Variants in UGT2B10 observed in about 807,000 individuals in gnomAD.
UGT2B10 encodes the protein UDP glucuronosyltransferase family 2 member B10.
Under a neutral mutation model 43.7 loss-of-function variants are expected in UGT2B10, and 51 were observed. The ratio of observed to expected loss-of-function variants is 1.17; its 90% CI spans 0.93 to 1.47. The LOEUF (loss-of-function observed/expected upper bound fraction) is 1.47. UGT2B10 is among the 40% of genes most tolerant of loss of function. The pLI is 0.00. For missense variants in UGT2B10, 696 were observed against 617.7 expected (o/e 1.13, Z -1.34); for synonymous variants, 225 against 209.0 (o/e 1.08, Z -0.66).
intron 4 of UGT2B10, 135 bp downstream of exon 4, chr4:68,826,632 C>A: frequency 9.1e-7 from 1 of 1,097,782 alleles, no homozygotes; most frequent in South Asian, 1.8e-5. Flanking sequence ...ATTTTCCAGT[C>A]CTAGGGGAAA....
chr4:68,816,337 AC>A lies in UGT2B10; in HGVS notation c.320del (p.Pro107LeufsTer15). ...AAATTCAAAAAGATACATTTTGGTT[AC>A]CTTTTTCACAAGAACAAGAAATCCT... is the stretch of plus-strand genomic sequence containing the variant. ...SEIQKDTFWL[P>X]FSQEQEILWA... On this transcript the variant is annotated frameshift_variant, in exon 1 of 6. Coordinates refer to ENST00000265403, the MANE Select transcript of UGT2B10 (RefSeq NM_001075.6). LOFTEE classifies it high-confidence loss of function. 6.2e-7 allele frequency: 1 copy of A among 1,613,138 alleles called. No homozygotes were observed. The highest frequency in any genetic ancestry group is 8.5e-7 in the Non-Finnish European group (1 of 1,179,394).
intron 4 of UGT2B10, among the ~76,000 whole-genome samples, chr4:68,826,986 C>T (rs1737812600): frequency 6.6e-6 from 1 of 152,074 alleles, no homozygotes; most frequent in Non-Finnish European, 1.5e-5. Flanking sequence ...TGCTGCCTTG[C>T]ACACCCCACA....
In UGT2B10 at chr4:68,816,119, C is replaced by T. The variant is rs756213799; in HGVS notation, c.100C>T (p.Leu34Phe). 5 of 1,613,250 alleles carry T rather than the reference C, an allele frequency of 3.1e-6. No homozygotes were observed. The highest frequency in any genetic ancestry group is 4.2e-6 in the Non-Finnish European group (5 of 1,179,446). ...GCTGGTATGGGCCGCAGAATACAGC[C>T]TTTGGATGAATATGAAGACAATCCT... ...KVLVWAAEYS[L>F]WMNMKTILKE... is the part of the protein sequence containing the mutation. Residue 34 changes from leucine to phenylalanine, a missense_variant, in exon 1 of 6, where the codon CTT (leucine) becomes TTT (phenylalanine). Physicochemically the swap from Leu to Phe is conservative, Grantham distance 22. Coordinates refer to ENST00000265403, the MANE Select transcript of UGT2B10 (RefSeq NM_001075.6).
At position 68,831,978 on chromosome 4, in the gene UGT2B10, T is replaced by C. The variant is rs190571045; in HGVS notation, c.*1099T>C. ...ATGATGACTTAGGATTCTGGATCTC[T>C]TATGAATAACAAATTTATCCTTAAT... is the stretch of plus-strand genomic sequence containing the variant. On this transcript the variant is annotated 3_prime_UTR_variant, in exon 6 of 6. Transcript: ENST00000265403. Among the ~76,000 whole-genome samples the C allele has an allele frequency of 2.5e-4, 38 of 152,194 alleles. No homozygotes were observed. The highest frequency in any genetic ancestry group is 8.4e-4 in the African/African-American group (35 of 41,546).
chr4:68,831,541 ATGT>A lies in UGT2B10; in HGVS notation c.*667_*669del, dbSNP rs1456160177. Among the ~76,000 whole-genome samples, 10 of 152,232 alleles carry A rather than the reference ATGT, an allele frequency of 6.6e-5. No homozygotes were observed. The East Asian group carries it at 1.7e-3, about 27-fold the overall frequency. ...GAAATGTGCTCCCTAATTATATGAA[ATGT>A]TGTTTGATTACATAAAATAAAGTGG... On this transcript the variant is annotated 3_prime_UTR_variant, in exon 6 of 6. Transcript: ENST00000265403.
chr4:68,816,453 A>T lies in UGT2B10; in HGVS notation c.434A>T (p.Asp145Val), dbSNP rs201775548. The T allele has an allele frequency of 2.0e-4, 328 of 1,613,110 alleles. 1 individual carries two copies. Among genetic ancestry groups the T allele is most frequent in the Non-Finnish European group, 1.8e-5 (21 of 1,179,486 alleles). Residue 145 changes from aspartate to valine, a missense_variant, in exon 1 of 6, where the codon GAC becomes GTC. Coordinates refer to ENST00000265403, the MANE Select transcript of UGT2B10 (RefSeq NM_001075.6). ...AAAAAACTACAAGAGTCAAGATTTG[A>T]CATCGTTTTTGCAGATGCTTATTTA... The part of the protein sequence containing the change: ...LMKKLQESRF[D>V]IVFADAYLPC...
At chr4:68,822,128 G>A (rs1394885765) in intron 2 of UGT2B10, 143 bp from the exon 3 acceptor site, 16 of 1,253,036 alleles carry the variant, frequency 1.3e-5, no homozygotes, top group Non-Finnish European at 1.8e-5. Flanking sequence ...AACAGTGATT[G>A]AGTCAGTTAA....
At chr4:68,830,061 G>A (rs925631004) in intron 5 of UGT2B10, among the ~76,000 whole-genome samples, 2 of 151,982 alleles carry the variant, frequency 1.3e-5, no homozygotes, top group South Asian at 4.1e-4. Flanking sequence ...TAGGAACTTA[G>A]AGATGTTAAT....
chr4:68,816,831 T>A (rs1737238634), intron 1 of UGT2B10, 94 bp downstream of exon 1: 1 of 1,055,268 alleles, frequency 9.5e-7, no homozygotes, highest in African/African-American at 1.6e-5. Flanking sequence ...GGAAGTGGAG[T>A]TTTTGGTAAA....
chr4:68,822,307 G>T lies in UGT2B10; in HGVS notation c.904G>T (p.Gly302Cys). The change falls in exon 3 of 6, where the codon GGT becomes TGT. Residue 302 changes from glycine to cysteine, a missense_variant. Physicochemically the swap from Gly to Cys is radical, Grantham distance 159 (BLOSUM62 -3). Transcript: ENST00000265403. ...GTTTGTACAGAGCTCTGGAGAAAAT[G>T]GTGTTGTGGTGTTTTCTCTGGGGTC... is the stretch of plus-strand genomic sequence containing the variant. The part of the protein sequence containing the change: ...EEFVQSSGEN[G>C]VVVFSLGSMV... 6.2e-7 allele frequency: 1 copy of T among 1,613,208 alleles called. No homozygotes were observed. The highest frequency in any genetic ancestry group is 1.8e-4 in the Middle Eastern group (1 of 5,708).
In UGT2B10 at chr4:68,818,186, A is replaced by G. The variant is rs576580404; in HGVS notation, c.867+9A>G. On this transcript the variant is annotated intron_variant, in intron 2 of 5. Coordinates refer to ENST00000265403, the MANE Select transcript of UGT2B10 (RefSeq NM_001075.6). ...CCAAACCCCTACCTAAGGTAAACATACTTTCGTTGGTTTTATTTTGTTGGC... is the reference window on the plus strand; with the variant it reads ...CCAAACCCCTACCTAAGGTAAACATGCTTTCGTTGGTTTTATTTTGTTGGC... The G allele has an allele frequency of 8.7e-6, 14 of 1,606,626 alleles. No homozygotes were observed. The East Asian group carries it at 3.1e-4, about 36-fold the overall frequency.
At chr4:68,827,608 T>C (rs558428671) in intron 5 of UGT2B10, 60 bp downstream of exon 5, 1 of 1,597,430 alleles carries the variant, frequency 6.3e-7, no homozygotes, top group Admixed American at 1.7e-5. Flanking sequence ...TTGTCAGTAG[T>C]GAGCATGAGT....
At chr4:68,824,998 A>T (rs1467370639) in intron 3 of UGT2B10, among the ~76,000 whole-genome samples, 1 of 152,112 alleles carries the variant, frequency 6.6e-6, no homozygotes, top group Admixed American at 6.6e-5. Flanking sequence ...ATAATTTGTA[A>T]TTCCAATGAA....
At chr4:68,819,388 G>C (rs185156468) in intron 2 of UGT2B10, among the ~76,000 whole-genome samples, 201 of 152,002 alleles carry the variant, frequency 1.3e-3, no homozygotes, top group African/African-American at 4.5e-3. Context: ...AGTTGTGACA[G>C]CAAGATAAGC....
intron 3 of UGT2B10, among the ~76,000 whole-genome samples, 194 bp from the exon 4 acceptor site, chr4:68,826,216 A>G (rs1737765801): frequency 6.6e-6 from 1 of 152,158 alleles, no homozygotes; most frequent in South Asian, 2.1e-4. Flanking sequence ...TACTTTGGAA[A>G]ATAATGGTTT....
intron 2 of UGT2B10, among the ~76,000 whole-genome samples, chr4:68,819,422 C>T (rs1464347080): frequency 6.6e-6 from 1 of 151,868 alleles, no homozygotes; most frequent in East Asian, 1.9e-4. Context: ...AAAATTCTTC[C>T]ATAAGTAATA....
intron 2 of UGT2B10, among the ~76,000 whole-genome samples, chr4:68,821,700 T>C (rs1380458586): frequency 2.6e-5 from 4 of 152,104 alleles, no homozygotes; most frequent in Non-Finnish European, 4.4e-5. Flanking sequence ...TGGAAAACTC[T>C]GACAAATTTT....
At position 68,816,323 on chromosome 4, in the gene UGT2B10, G is replaced by T; in HGVS notation, c.304G>T (p.Asp102Tyr). The T allele has an allele frequency of 1.2e-6, 2 of 1,613,034 alleles. No individual in the cohort carries two copies. The highest frequency in any genetic ancestry group is 1.7e-4 in the Middle Eastern group (1 of 6,056). ...LVKRLSEIQK[D>Y]TFWLPFSQEQ... Reference sequence around the variant, plus strand: ...TAAGAGATTGTCAGAAATTCAAAAAGATACATTTTGGTTACCTTTTTCACA... The same window carrying T: ...TAAGAGATTGTCAGAAATTCAAAAATATACATTTTGGTTACCTTTTTCACA... Residue 102 changes from aspartate to tyrosine, a missense_variant, in exon 1 of 6, where the codon GAT (aspartate) becomes TAT (tyrosine). Transcript: ENST00000265403.
intron 2 of UGT2B10, among the ~76,000 whole-genome samples, chr4:68,821,637 A>C (rs564098706): frequency 6.6e-6 from 1 of 152,326 alleles, no homozygotes; most frequent in East Asian, 1.9e-4. Context: ...CCAGAATGTC[A>C]GTGATTCTTA....
Sources: gnomAD v4.1 joint callset for allele counts (sites outside exome capture counted in the v4.1 genomes callset) on GRCh38, gnomAD v4.1.1 for gene constraint, MANE v1.5 for transcripts, NCBI Gene and HGNC (gene_info 2026-07-23, HGNC 2026-07-21) for gene names.